The following CWC27 variants were observed in gnomAD, a reference collection of about 807,000 sequenced individuals.
CWC27 encodes the protein spliceosome-associated protein CWC27 homolog.
In CWC27, 47 loss-of-function variants were observed where a neutral mutation model predicts 63.6. The observed-to-expected ratio is 0.74, with a 90% CI of 0.58 to 0.94. CWC27 has a LOEUF of 0.94. Ranked by LOEUF, CWC27 falls within the 40% of genes least tolerant of loss-of-function variation. CWC27 has a pLI of 0.00. For missense variants in CWC27, 495 were observed against 554.3 expected (o/e 0.89, Z 1.07); for synonymous variants, 175 against 179.8 (o/e 0.97, Z 0.22).
At chr5:65,006,968 A>C (rs1484135641) in intron 13 of CWC27, among the ~76,000 whole-genome samples, 20 of 52,216 alleles carry the variant, frequency 3.8e-4, no homozygotes, top group African/African-American at 5.2e-4. Flanking sequence ...GACAGAAAGA[A>C]AGAAAGAAAG....
intron 13 of CWC27, among the ~76,000 whole-genome samples, chr5:64,988,364 T>G (rs930436263): frequency 6.6e-6 from 1 of 152,166 alleles, no homozygotes; most frequent in South Asian, 2.1e-4. Flanking sequence ...CAAGTAATTT[T>G]TTTTTATTGT....
rs115489093 is a variant in CWC27, at chr5:64,892,613, A to G, written c.1042+7067A>G. 4.3e-3 allele frequency among the ~76,000 whole-genome samples: 661 copies of G among 152,250 alleles called. 5 individuals carry two copies. Among genetic ancestry groups the G allele is most frequent in the Middle Eastern group, 0.024 (7 of 294 alleles). ...GTTTATAATATTCCTTTTTAAAAGA[A>G]TGTTTATATTGAAATTGACCAAGAA... On this transcript the variant is annotated intron_variant, in intron 11 of 13. Transcript: ENST00000381070.
At chr5:64,853,704 C>T (rs904309746) in intron 10 of CWC27, among the ~76,000 whole-genome samples, 1 of 152,058 alleles carries the variant, frequency 6.6e-6, no homozygotes, top group Non-Finnish European at 1.5e-5. Context: ...AACCAGATCT[C>T]GTGAGAACTC....
intron 10 of CWC27, among the ~76,000 whole-genome samples, chr5:64,858,137 CAAAAAAAAAAAA>C (rs529762534): frequency 1.7e-4 from 4 of 23,088 alleles, no homozygotes; most frequent in South Asian, 3.1e-3. Context: ...GACTCCGTCT[CAAAAAAAAAAAA>C]AAAAAAAAAA....
intron 13 of CWC27, among the ~76,000 whole-genome samples, chr5:64,996,584 T>C (rs1297583170): frequency 6.6e-6 from 1 of 151,682 alleles, no homozygotes; most frequent in Non-Finnish European, 1.5e-5. Context: ...GCCCAAATTA[T>C]ACTGGGGAAA....
At chr5:64,816,387 A>G (rs1240147712) in intron 10 of CWC27, among the ~76,000 whole-genome samples, 2 of 152,156 alleles carry the variant, frequency 1.3e-5, no homozygotes, top group Non-Finnish European at 2.9e-5. Flanking sequence ...ACTGAAACAC[A>G]TTCATCAGTC....
intron 6 of CWC27, among the ~76,000 whole-genome samples, chr5:64,788,355 T>C (rs1455211280): frequency 1.3e-5 from 2 of 152,044 alleles, no homozygotes; most frequent in Non-Finnish European, 2.9e-5. Context: ...ACATCTTTAA[T>C]TTTTCTATTT....
chr5:64,867,409 G>A (rs1010286535), intron 10 of CWC27, among the ~76,000 whole-genome samples: 10 of 152,066 alleles, frequency 6.6e-5, no homozygotes. Context: ...ACAAGAATAA[G>A]TTTCTATTTT....
chr5:64,981,516 T>C (rs1285687107), intron 13 of CWC27, among the ~76,000 whole-genome samples: 1 of 152,222 alleles, frequency 6.6e-6, no homozygotes, highest in East Asian at 1.9e-4. Flanking sequence ...TGTAACATCC[T>C]TGTTTCTATG....
chr5:64,912,769 C>T lies in CWC27; in HGVS notation c.1042+27223C>T, dbSNP rs372595656. ...AACCTTCTGCTCCTTAGAAGTACTT[C>T]ATTTACCAAGACTAATCTAAGAAGA... On this transcript the variant is annotated intron_variant, in intron 11 of 13. Coordinates refer to ENST00000381070, the MANE Select transcript of CWC27 (RefSeq NM_005869.4). Among the ~76,000 whole-genome samples, 6 of 152,268 alleles carry T rather than the reference C, an allele frequency of 3.9e-5. No homozygotes were observed. In the East Asian group the frequency reaches 9.6e-4, roughly 24 times the overall value.
intron 2 of CWC27, among the ~76,000 whole-genome samples, chr5:64,776,015 A>G (rs1350811522): frequency 3.3e-5 from 5 of 151,614 alleles, no homozygotes; most frequent in Non-Finnish European, 7.4e-5. Context: ...AAGAAATGAA[A>G]AATACCCAGA....
intron 10 of CWC27, among the ~76,000 whole-genome samples, chr5:64,832,208 T>C (rs556419252): frequency 6.6e-6 from 1 of 151,930 alleles, no homozygotes; most frequent in African/African-American, 2.4e-5. Context: ...GTGGAAAGCA[T>C]TGATCCATCA....
intron 13 of CWC27, among the ~76,000 whole-genome samples, chr5:65,000,187 G>T (rs991758796): frequency 2.0e-5 from 3 of 151,918 alleles, no homozygotes; most frequent in Non-Finnish European, 2.9e-5. Flanking sequence ...CAGGATTTTG[G>T]TTTTTTGCTT....
intron 10 of CWC27, among the ~76,000 whole-genome samples, chr5:64,840,384 A>AT (rs1362440302): frequency 2.2e-4 from 15 of 67,218 alleles, no homozygotes; most frequent in Non-Finnish European, 3.1e-4. Flanking sequence ...AAAAAAAAAA[A>AT]AAAAAAAAAA....
intron 11 of CWC27, among the ~76,000 whole-genome samples, chr5:64,887,982 A>T (rs766178605): frequency 1.3e-5 from 2 of 152,156 alleles, no homozygotes; most frequent in Non-Finnish European, 2.9e-5. Flanking sequence ...TCCTAATAGC[A>T]CTCTAACAAT....
At chr5:64,782,108 C>A in intron 3 of CWC27, 75 bp downstream of exon 3, 2 of 749,648 alleles carry the variant, frequency 2.7e-6, no homozygotes, top group Non-Finnish European at 2.1e-6. Context: ...ATTGCTTAAT[C>A]GAAAATGATT....
chr5:64,788,621 A>G (rs1255261897), intron 6 of CWC27, among the ~76,000 whole-genome samples: 2 of 151,972 alleles, frequency 1.3e-5, no homozygotes, highest in African/African-American at 4.8e-5. Flanking sequence ...CCATTTTGCT[A>G]CCAGTTTTGA....
chr5:64,854,601 A>G (rs1042908576), intron 10 of CWC27, among the ~76,000 whole-genome samples: 1 of 152,244 alleles, frequency 6.6e-6, no homozygotes, highest in Middle Eastern at 3.2e-3. Context: ...TTTGGTTTTC[A>G]TAATGTTTGC....
chr5:64,915,241 A>C (rs1414756497), intron 11 of CWC27, among the ~76,000 whole-genome samples: 3 of 152,298 alleles, frequency 2.0e-5, no homozygotes, highest in Admixed American at 6.5e-5. Flanking sequence ...AAGTGGTAGT[A>C]TGGGCTTGTA....
Sources: gnomAD v4.1 joint callset for allele counts (sites outside exome capture counted in the v4.1 genomes callset) on GRCh38, gnomAD v4.1.1 for gene constraint, MANE v1.5 for transcripts, NCBI Gene and HGNC (gene_info 2026-07-23, HGNC 2026-07-21) for gene names.